GRID2: variants seen among roughly 807,000 people sequenced by gnomAD.
The protein encoded by GRID2 is glutamate receptor ionotropic, delta-2.
In GRID2, 33 loss-of-function variants were observed where a neutral mutation model predicts 114.8. That is an observed-to-expected ratio of 0.29 (90% CI 0.22 to 0.38). GRID2 has a LOEUF of 0.38. Among genes scored for constraint, GRID2 ranks in the 10% least tolerant of loss-of-function variants. The pLI, the probability that GRID2 is intolerant of heterozygous loss-of-function variation, is 1.00. For missense variants in GRID2, 1,184 were observed against 1,257.7 expected, an observed-to-expected ratio of 0.94 and a Z score of 0.89; for synonymous variants, 505 against 449.9, an observed-to-expected ratio of 1.12 and a Z score of -1.55.
At chr4:93,753,605 GT>G (rs769004490) in intron 14 of GRID2, among the ~76,000 whole-genome samples, 1 of 152,028 alleles carries the variant, frequency 6.6e-6, no homozygotes, top group Non-Finnish European at 1.5e-5. Context: ...TTGGTTTTCT[GT>G]CCTTGCGATA....
intron 2 of GRID2, among the ~76,000 whole-genome samples, chr4:92,594,454 C>T (rs1728853494): frequency 6.6e-6 from 1 of 151,768 alleles, no homozygotes; most frequent in Admixed American, 6.6e-5. Flanking sequence ...CTTCTATGAC[C>T]CTTAAGAACA....
chr4:93,159,749 A>G (rs1428690551), intron 4 of GRID2, among the ~76,000 whole-genome samples: 1 of 125,182 alleles, frequency 8.0e-6, no homozygotes, highest in African/African-American at 3.0e-5. Context: ...TTAAGTTCTT[A>G]GCAAAGACAT....
chr4:93,204,019 A>T (rs961042786), intron 4 of GRID2: 1 of 152,152 alleles, frequency 6.6e-6, no homozygotes, highest in Admixed American at 6.6e-5. Flanking sequence ...GCAGAAGGAG[A>T]GAATGGATTT....
chr4:93,486,279 A>T (rs994594289), intron 11 of GRID2, among the ~76,000 whole-genome samples: 2 of 151,590 alleles, frequency 1.3e-5, no homozygotes, highest in Non-Finnish European at 3.0e-5. Flanking sequence ...CTACATACAT[A>T]TTCATATCAT....
At chr4:92,940,193 C>A (rs1655030991) in intron 2 of GRID2, among the ~76,000 whole-genome samples, 1 of 147,102 alleles carries the variant, frequency 6.8e-6, no homozygotes. Flanking sequence ...TCTTCCTACC[C>A]ATGAGCATGG....
At chr4:92,906,950 A>AGACGTACTCAACGAGAATCAACATCTTAT (rs1259569907) in intron 2 of GRID2, among the ~76,000 whole-genome samples, 1 of 152,162 alleles carries the variant, frequency 6.6e-6, no homozygotes, top group African/African-American at 2.4e-5. Context: ...GCCCCACACC[A>AGACGTACTCAACGAGAATCAACATCTTAT]GACGTACTCA....
chr4:92,496,966 A>G (rs1723417059), intron 1 of GRID2, among the ~76,000 whole-genome samples: 1 of 151,746 alleles, frequency 6.6e-6, no homozygotes, highest in Admixed American at 6.6e-5. Flanking sequence ...AAATTGGCAC[A>G]GAGGGAAACA....
intron 1 of GRID2, among the ~76,000 whole-genome samples, chr4:92,336,753 C>G (rs1007617618): frequency 3.3e-5 from 5 of 152,054 alleles, no homozygotes; most frequent in African/African-American, 1.2e-4. Flanking sequence ...CCTCACCAAC[C>G]ATTGCTACTC....
Position 93,083,851 on chromosome 4 carries a change from A to G in GRID2, c.245-1144A>G, listed in dbSNP as rs1009964101. 7.2e-5 allele frequency among the ~76,000 whole-genome samples: 11 copies of G among 152,184 alleles called. No homozygotes were observed. In the East Asian group the frequency reaches 2.1e-3, roughly 29 times the overall value. ...GTTGGCTTAGCATTAATAAATTAAT[A>G]ATAATAAATTTATTTGATGATGATA... On this transcript the variant is annotated intron_variant, in intron 2 of 15. Coordinates refer to ENST00000282020, the MANE Select transcript of GRID2 (RefSeq NM_001510.4).
At chr4:92,833,206 C>A (rs1481527935) in intron 2 of GRID2, among the ~76,000 whole-genome samples, 1 of 152,172 alleles carries the variant, frequency 6.6e-6, no homozygotes, top group Non-Finnish European at 1.5e-5. Flanking sequence ...CAACATACTT[C>A]CAGAGAAGCG....
At chr4:93,634,538 C>T (rs1721243464) in intron 14 of GRID2, among the ~76,000 whole-genome samples, 1 of 152,060 alleles carries the variant, frequency 6.6e-6, no homozygotes, top group South Asian at 2.1e-4. Flanking sequence ...GGAAACTGAG[C>T]CTCAGACTTA....
chr4:93,423,066 T>TA (rs1222041785), intron 10 of GRID2, 98 bp downstream of exon 10: 2 of 802,408 alleles, frequency 2.5e-6, no homozygotes, highest in East Asian at 5.3e-5. Context: ...TGATTTCATA[T>TA]AAAATAAGTG....
intron 1 of GRID2, among the ~76,000 whole-genome samples, chr4:92,430,244 G>C (rs1732374307): frequency 6.6e-6 from 1 of 152,114 alleles, no homozygotes; most frequent in African/African-American, 2.4e-5. Flanking sequence ...TGAGGTCTTA[G>C]ATTTAATCCT....
chr4:93,517,678 A>G (rs2149493305), intron 13 of GRID2, among the ~76,000 whole-genome samples: 1 of 152,060 alleles, frequency 6.6e-6, no homozygotes, highest in Admixed American at 6.6e-5. Flanking sequence ...GATAAAGTTC[A>G]TTGGAGTTTC....
intron 2 of GRID2, among the ~76,000 whole-genome samples, chr4:92,729,844 T>A (rs1359548641): frequency 2.6e-5 from 4 of 151,862 alleles, no homozygotes; most frequent in African/African-American, 9.7e-5. Context: ...CTCTTTATAG[T>A]AGAATTTCAT....
chr4:93,671,236 G>C (rs1162861179), intron 14 of GRID2, among the ~76,000 whole-genome samples: 1 of 152,176 alleles, frequency 6.6e-6, no homozygotes. Context: ...GCACTAAAGA[G>C]AAGGGTTTGA....
At chr4:92,538,793 A>T (rs1725779085) in intron 1 of GRID2, among the ~76,000 whole-genome samples, 1 of 152,172 alleles carries the variant, frequency 6.6e-6, no homozygotes, top group Non-Finnish European at 1.5e-5. Context: ...GGCAAGTCAG[A>T]GTATGGTGAG....
intron 11 of GRID2, among the ~76,000 whole-genome samples, chr4:93,464,790 A>G (rs895264268): frequency 6.6e-5 from 10 of 152,278 alleles, no homozygotes; most frequent in Admixed American, 3.3e-4. Context: ...CCCAAAATTT[A>G]TAGAGTCTCT....
intron 11 of GRID2, among the ~76,000 whole-genome samples, chr4:93,473,897 A>AT (rs1429944477): frequency 2.6e-5 from 4 of 151,978 alleles, no homozygotes; most frequent in Non-Finnish European, 4.4e-5. Flanking sequence ...GCAAATACAT[A>AT]TTTTTTTCTA....
Sources: allele counts gnomAD v4.1 joint callset (sites outside exome capture counted in the v4.1 genomes callset), GRCh38; gene constraint gnomAD v4.1.1; transcripts MANE v1.5; gene names NCBI Gene and HGNC (gene_info 2026-07-23, HGNC 2026-07-21).